ZNF486: variants seen among roughly 807,000 people sequenced by gnomAD.
ZNF486 encodes KRAB box only protein 2.
In ZNF486, 12 loss-of-function variants were observed where a neutral mutation model predicts 12.8. That is an observed-to-expected ratio of 0.94 (90% CI 0.60 to 1.52). The LOEUF is 1.52. Among genes scored for constraint, ZNF486 ranks in the 40% most tolerant of loss-of-function variants. ZNF486 has a pLI of 0.00. For missense variants in ZNF486, 738 were observed against 545.0 expected (o/e 1.35, Z -3.53); for synonymous variants, 231 against 184.9 (o/e 1.25, Z -2.02).
Position 20,197,090 on chromosome 19 carries a change from A to G in ZNF486, c.380A>G (p.Glu127Gly). 1 of 1,612,932 alleles carries G rather than the reference A, an allele frequency of 6.2e-7. No homozygotes were observed. Residue 127 changes from glutamate (E) to glycine (G), a missense_variant, in exon 4 of 4, where the codon GAA (glutamate) becomes GGA (glycine). By Grantham distance (98) the Glu-to-Gly change is moderately conservative. Transcript: ENST00000335117. ...HGNLHFKKGC[E>G]SVDECKLHKR... Reference sequence around the variant, plus strand: ...AATTTACACTTTAAAAAAGGCTGTGAAAGTGTGGATGAGTGTAAGTTACAC... The same window carrying G: ...AATTTACACTTTAAAAAAGGCTGTGGAAGTGTGGATGAGTGTAAGTTACAC...
chr19:20,195,439 A>G (rs2089949042), intron 3 of ZNF486, among the ~76,000 whole-genome samples: 1 of 152,174 alleles, frequency 6.6e-6, no homozygotes, highest in Non-Finnish European at 1.5e-5. Flanking sequence ...GTGTGTTGGG[A>G]TTACAGGAAT....
At chr19:20,190,846 C>G (rs1180883756) in intron 3 of ZNF486, among the ~76,000 whole-genome samples, 1 of 152,144 alleles carries the variant, frequency 6.6e-6, no homozygotes, top group Admixed American at 6.5e-5. Flanking sequence ...GTTCTCCAGA[C>G]CTCATGCTGC....
intron 3 of ZNF486, among the ~76,000 whole-genome samples, chr19:20,196,181 ATTTG>A (rs2089956591): frequency 6.6e-6 from 1 of 152,116 alleles, no homozygotes. Context: ...TGCCTGGCTA[ATTTG>A]TTTGTATTTT....
chr19:20,179,968 C>G (rs1299299484), intron 1 of ZNF486, among the ~76,000 whole-genome samples: 2 of 152,142 alleles, frequency 1.3e-5, no homozygotes, highest in Non-Finnish European at 2.9e-5. Context: ...TTCTCTCATC[C>G]AAGAGCTAGC....
intron 1 of ZNF486, chr19:20,175,970 C>T (rs1555714679): frequency 5.9e-6 from 1 of 169,160 alleles, no homozygotes. Context: ...ACTGACCCCA[C>T]CTCCCTCCCG....
chr19:20,197,224 C>T lies in ZNF486; in HGVS notation c.514C>T (p.His172Tyr). The T allele has an allele frequency of 1.2e-6, 2 of 1,612,746 alleles. No individual in the cohort carries two copies. The highest frequency in any genetic ancestry group is 1.7e-4 in the Middle Eastern group (1 of 6,054). The change falls in exon 4 of 4, where the codon CAT becomes TAT. Residue 172 changes from histidine (H) to tyrosine (Y), a missense_variant. Transcript: ENST00000335117. ...TCATCAATTTTCAAATTCAAAGAGACATAAAAGAAGACATACTGAAAAAAA... is the reference window on the plus strand; with the variant it reads ...TCATCAATTTTCAAATTCAAAGAGATATAAAAGAAGACATACTGAAAAAAA... ...VFHQFSNSKR[H>Y]KRRHTEKKPL...
chr19:20,184,558 T>C, intron 2 of ZNF486, 76 bp downstream of exon 2: 2 of 1,466,518 alleles, frequency 1.4e-6, no homozygotes, highest in South Asian at 1.4e-5. Flanking sequence ...ATGATTTTAG[T>C]AATTTATCCT....
At chr19:20,178,245 CT>C (rs1379226825) in intron 1 of ZNF486, among the ~76,000 whole-genome samples, 8 of 151,244 alleles carry the variant, frequency 5.3e-5, no homozygotes, top group African/African-American at 1.9e-4. Flanking sequence ...TTGTTCTTCT[CT>C]TTTTTTTCTT....
At position 20,190,231 on chromosome 19, in the gene ZNF486, A is replaced by G. The variant is rs76583183; in HGVS notation, c.253+4149A>G. On this transcript the variant is annotated intron_variant, in intron 3 of 3. Transcript: ENST00000335117. ...GTAGGTTGTATTGACATCTGTGAAG[A>G]ATAAAATTTTTTGACCCCTGAGCAA... 3.3e-4 allele frequency among the ~76,000 whole-genome samples: 51 copies of G among 152,342 alleles called. No homozygotes were observed. The East Asian group carries it at 9.8e-3, about 29-fold the overall frequency.
chr19:20,187,805 C>A (rs2089865650), intron 3 of ZNF486, among the ~76,000 whole-genome samples: 1 of 151,976 alleles, frequency 6.6e-6, no homozygotes, highest in African/African-American at 2.4e-5. Flanking sequence ...GCCTGGCCTT[C>A]AAGTTTTTAT....
intron 3 of ZNF486, among the ~76,000 whole-genome samples, chr19:20,193,330 T>A (rs2089920950): frequency 6.6e-6 from 1 of 151,512 alleles, no homozygotes; most frequent in Non-Finnish European, 1.5e-5. Flanking sequence ...GGTCTCACTC[T>A]ATTGCCCATG....
In ZNF486 at chr19:20,197,829, T is replaced by A. The variant is rs1555718314; in HGVS notation, c.1119T>A (p.Thr373=). Residue 373 remains threonine, a synonymous_variant, in exon 4 of 4, where the codon ACT becomes ACA. Transcript: ENST00000335117. The part of the protein sequence containing the change: ...SHLTMHKIIH[T]GEKPYKCEEC... ...TTACTATGCATAAGATAATTCATAC[T>A]GGAGAGAAACCATACAAATGTGAAG... 2 of 1,613,742 alleles carry A rather than the reference T, an allele frequency of 1.2e-6. No homozygotes were observed. Among genetic ancestry groups the A allele is most frequent in the South Asian group, 1.1e-5 (1 of 91,040 alleles).
chr19:20,173,379 CATT>C (rs2089671085), intron 1 of ZNF486, among the ~76,000 whole-genome samples: 1 of 152,110 alleles, frequency 6.6e-6, no homozygotes, highest in African/African-American at 2.4e-5. Context: ...AGGAGGGTGA[CATT>C]ATTTCTGGGC....
chr19:20,177,543 A>G (rs1555714991), intron 1 of ZNF486, among the ~76,000 whole-genome samples: 2 of 152,076 alleles, frequency 1.3e-5, no homozygotes, highest in African/African-American at 4.8e-5. Flanking sequence ...CAGATGGACT[A>G]TGATGCATGT....
At chr19:20,192,754 A>G (rs1256609042) in intron 3 of ZNF486, among the ~76,000 whole-genome samples, 3 of 152,040 alleles carry the variant, frequency 2.0e-5, no homozygotes, top group Non-Finnish European at 4.4e-5. Flanking sequence ...ATAGCCATCT[A>G]TGTTTTTTGT....
At chr19:20,189,648 A>G (rs987152337) in intron 3 of ZNF486, among the ~76,000 whole-genome samples, 1 of 152,000 alleles carries the variant, frequency 6.6e-6, no homozygotes, top group African/African-American at 2.4e-5. Flanking sequence ...TTGATGAAAA[A>G]TCTTTTTGTT....
At chr19:20,177,048 G>C (rs2089726796) in intron 1 of ZNF486, 1 of 152,212 alleles carries the variant, frequency 6.6e-6, no homozygotes, top group Non-Finnish European at 1.5e-5. Context: ...GAGGCCTGCA[G>C]GCTCTCCTCC....
At chr19:20,184,270 G>C (rs1356208386) in intron 1 of ZNF486, 86 bp from the exon 2 acceptor site, 20 of 1,577,638 alleles carry the variant, frequency 1.3e-5, no homozygotes, top group Non-Finnish European at 1.6e-5. Context: ...GTAAGAATCA[G>C]TTCTCTTACT....
intron 3 of ZNF486, among the ~76,000 whole-genome samples, chr19:20,195,025 T>A (rs960619863): frequency 6.6e-6 from 1 of 152,142 alleles, no homozygotes; most frequent in African/African-American, 2.4e-5. Context: ...TATTTTTTTC[T>A]TATACAGAGT....
Sources: allele counts gnomAD v4.1 joint callset (sites outside exome capture counted in the v4.1 genomes callset), GRCh38; gene constraint gnomAD v4.1.1; transcripts MANE v1.5; gene names NCBI Gene and HGNC (gene_info 2026-07-23, HGNC 2026-07-21).